PARD3B: variants seen among roughly 807,000 people sequenced by gnomAD.
PARD3B encodes the protein partitioning defective 3 homolog B.
PARD3B carries 103 observed loss-of-function variants against 130.2 expected under a neutral mutation model. That is an observed-to-expected ratio of 0.79 (90% CI 0.67 to 0.93). PARD3B has a LOEUF of 0.93. PARD3B is among the 40% of genes least tolerant of loss of function. PARD3B has a pLI of 0.00. For synonymous variants in PARD3B, 583 were observed against 553.2 expected, an observed-to-expected ratio of 1.05 and a Z score of -0.76; for missense variants, 1,609 against 1,499.2, an observed-to-expected ratio of 1.07 and a Z score of -1.21.
chr2:205,344,093 G>A (rs891591071), intron 18 of PARD3B, among the ~76,000 whole-genome samples: 3 of 152,126 alleles, frequency 2.0e-5, no homozygotes, highest in Admixed American at 2.0e-4. Context: ...GATACATGGT[G>A]TTTGATCTTT....
intron 22 of PARD3B, among the ~76,000 whole-genome samples, chr2:205,606,032 G>A (rs756670712): frequency 4.6e-5 from 7 of 152,304 alleles, no homozygotes; most frequent in South Asian, 4.2e-4. Context: ...GCCACGATCC[G>A]CCACAGCTGC....
intron 4 of PARD3B, among the ~76,000 whole-genome samples, chr2:205,087,852 T>C (rs1314025328): frequency 1.3e-5 from 2 of 152,174 alleles, no homozygotes; most frequent in East Asian, 3.9e-4. Context: ...CCATCATAGC[T>C]ATTCAGACAG....
chr2:204,988,172 A>G (rs1693338363), intron 3 of PARD3B, among the ~76,000 whole-genome samples: 1 of 152,228 alleles, frequency 6.6e-6, no homozygotes, highest in Admixed American at 6.5e-5. Context: ...TTGGATTAGC[A>G]CTGCATGCAT....
At chr2:205,612,502 G>A (rs2055270437) in intron 22 of PARD3B, among the ~76,000 whole-genome samples, 1 of 152,100 alleles carries the variant, frequency 6.6e-6, no homozygotes, top group Non-Finnish European at 1.5e-5. Flanking sequence ...GAACTTAGAA[G>A]TTGTTCTGAC....
At chr2:205,150,420 A>C (rs536821383) in intron 10 of PARD3B, among the ~76,000 whole-genome samples, 1 of 152,030 alleles carries the variant, frequency 6.6e-6, no homozygotes, top group Non-Finnish European at 1.5e-5. Flanking sequence ...TTGCTACAAA[A>C]TGCTGTCTGG....
intron 4 of PARD3B, among the ~76,000 whole-genome samples, chr2:205,076,978 C>T (rs570953455): frequency 1.3e-5 from 2 of 152,162 alleles, no homozygotes; most frequent in Non-Finnish European, 2.9e-5. Flanking sequence ...TTTGGAAGCA[C>T]CATCCACTAA....
chr2:204,656,124 G>A (rs1177605155), intron 1 of PARD3B, among the ~76,000 whole-genome samples: 4 of 152,092 alleles, frequency 2.6e-5, no homozygotes, highest in African/African-American at 9.7e-5. Context: ...CATTCTATTG[G>A]CCACTGCAAA....
At chr2:205,311,886 A>T (rs2042399272) in intron 18 of PARD3B, among the ~76,000 whole-genome samples, 1 of 152,150 alleles carries the variant, frequency 6.6e-6, no homozygotes, top group African/African-American at 2.4e-5. Flanking sequence ...TTCTTTCTTT[A>T]TGTATTTCAG....
At chr2:204,585,681 G>T (rs2032786632) in intron 1 of PARD3B, among the ~76,000 whole-genome samples, 1 of 151,820 alleles carries the variant, frequency 6.6e-6, no homozygotes, top group Admixed American at 6.6e-5. Context: ...TTTCATAAGT[G>T]GTGTGATTGA....
At chr2:204,554,355 A>G (rs1014079402) in intron 1 of PARD3B, among the ~76,000 whole-genome samples, 1 of 152,004 alleles carries the variant, frequency 6.6e-6, no homozygotes, top group Non-Finnish European at 1.5e-5. Flanking sequence ...CACTTATAGC[A>G]TGCCCCCAAA....
chr2:204,802,423 G>C (rs1027912534), intron 2 of PARD3B, among the ~76,000 whole-genome samples: 1 of 152,190 alleles, frequency 6.6e-6, no homozygotes, highest in Non-Finnish European at 1.5e-5. Flanking sequence ...CATTGTGGAA[G>C]ACAGTGTGGC....
chr2:205,388,771 A>G (rs1380568936), intron 18 of PARD3B, among the ~76,000 whole-genome samples: 3 of 152,176 alleles, frequency 2.0e-5, no homozygotes, highest in Admixed American at 6.5e-5. Flanking sequence ...GTTGATCACA[A>G]TGGCCCCGAA....
intron 1 of PARD3B, among the ~76,000 whole-genome samples, chr2:204,621,236 G>T (rs948169738): frequency 1.3e-5 from 2 of 152,138 alleles, no homozygotes; most frequent in Non-Finnish European, 2.9e-5. Flanking sequence ...ACTGTCAAAA[G>T]GTTGGGGTTA....
intron 3 of PARD3B, among the ~76,000 whole-genome samples, chr2:205,025,767 C>T (rs776926546): frequency 4.6e-5 from 7 of 152,114 alleles, no homozygotes; most frequent in Non-Finnish European, 7.4e-5. Flanking sequence ...AAGGCTGACT[C>T]CTATTCCATG....
intron 2 of PARD3B, among the ~76,000 whole-genome samples, chr2:204,920,655 T>C (rs1468313116): frequency 6.6e-6 from 1 of 152,222 alleles, no homozygotes; most frequent in Non-Finnish European, 1.5e-5. Flanking sequence ...TCAGCTAATA[T>C]TGCAGAGCAT....
chr2:205,604,768 G>T (rs2054922764), intron 22 of PARD3B, among the ~76,000 whole-genome samples: 2 of 152,108 alleles, frequency 1.3e-5, no homozygotes, highest in African/African-American at 4.8e-5. Flanking sequence ...GTTAGGTTGG[G>T]GAAGTTCTCC....
intron 2 of PARD3B, among the ~76,000 whole-genome samples, chr2:204,824,977 C>CTA (rs1466578999): frequency 1.3e-5 from 2 of 152,108 alleles, no homozygotes; most frequent in Admixed American, 6.6e-5. Flanking sequence ...CTGGAGCAGG[C>CTA]TAACTAGAAG....
intron 2 of PARD3B, among the ~76,000 whole-genome samples, chr2:204,946,781 A>G (rs1689362127): frequency 6.6e-6 from 1 of 152,220 alleles, no homozygotes. Context: ...ATATGATTCC[A>G]GTCCTGGTCA....
intron 18 of PARD3B, among the ~76,000 whole-genome samples, chr2:205,367,899 C>T (rs933611003): frequency 6.6e-6 from 1 of 152,100 alleles, no homozygotes; most frequent in South Asian, 2.1e-4. Context: ...TCCTTTTATT[C>T]TTTTAATACC....
Sources: allele counts gnomAD v4.1 joint callset (sites outside exome capture counted in the v4.1 genomes callset), GRCh38; gene constraint gnomAD v4.1.1; transcripts MANE v1.5; gene names NCBI Gene and HGNC (gene_info 2026-07-23, HGNC 2026-07-21).